The following FGD6 variants were observed in gnomAD, a reference collection of about 807,000 sequenced individuals.
The protein encoded by FGD6 is FYVE, RhoGEF and PH domain-containing protein 6.
FGD6 carries 90 observed loss-of-function variants against 149.4 expected under a neutral mutation model. The observed-to-expected ratio is 0.60, with a 90% CI of 0.51 to 0.72. The LOEUF (loss-of-function observed/expected upper bound fraction) is 0.72, where lower values mean the gene tolerates loss of function less well. FGD6 is among the 30% of genes least tolerant of loss of function. FGD6 has a pLI of 0.00. For missense variants in FGD6, 1,437 were observed against 1,684.8 expected (o/e 0.85, Z 2.57); for synonymous variants, 527 against 584.0 (o/e 0.90, Z 1.41).
intron 14 of FGD6, among the ~76,000 whole-genome samples, chr12:95,099,949 A>G (rs1361997788): frequency 6.6e-6 from 1 of 151,872 alleles, no homozygotes; most frequent in African/African-American, 2.4e-5. Context: ...TTTCTTTAAC[A>G]TACTATACCC....
At chr12:95,102,440 T>G (rs1878471308) in intron 14 of FGD6, among the ~76,000 whole-genome samples, 1 of 38,802 alleles carries the variant, frequency 2.6e-5, no homozygotes, top group Admixed American at 4.1e-4. Flanking sequence ...CGAGACCCTT[T>G]CTCAAAAAAA....
rs1253139984 is a variant in FGD6, at chr12:95,079,614, T to C, written c.*1906A>G. ...CAACGATTCTAACATGGAAGCCTTA[T>C]TTATGTGATCTTGATTATATAAAAT... On this transcript the variant is annotated 3_prime_UTR_variant, in exon 21 of 21. Coordinates refer to ENST00000343958, the MANE Select transcript of FGD6 (RefSeq NM_018351.4). The C allele has an allele frequency of 6.6e-6, 1 of 152,234 alleles. No homozygotes were observed. The highest frequency in any genetic ancestry group is 1.5e-5 in the Non-Finnish European group (1 of 68,034). The allele number at this position is 152,234 out of a possible 1,614,324, so 9.4% of individuals were successfully genotyped here.
intron 3 of FGD6, among the ~76,000 whole-genome samples, chr12:95,165,155 T>C (rs945284874): frequency 2.0e-5 from 3 of 152,078 alleles, no homozygotes; most frequent in Non-Finnish European, 4.4e-5. Context: ...CACCTCAACA[T>C]GTTTCATTGA....
intron 1 of FGD6, among the ~76,000 whole-genome samples, chr12:95,211,575 T>C (rs2056728009): frequency 6.7e-6 from 1 of 148,680 alleles, no homozygotes; most frequent in Non-Finnish European, 1.5e-5. Context: ...AGTCTTGCCC[T>C]GTCGCCCAGG....
At position 95,172,626 on chromosome 12, in the gene FGD6, C is replaced by A; in HGVS notation, c.2560G>T (p.Glu854Ter). ...TGTTTATCTTCCAGTGGGTCAGGCT[C>A]TCCTTTACTTGACTCAGAGCTGACA... The part of the protein sequence containing the change: ...DDVSSESSKG[E>*]PDPLEDKQDE... Residue 854 changes from glutamate to a stop codon, truncating the protein, a stop_gained, in exon 3 of 21, where the codon GAG becomes TAG. Coordinates refer to ENST00000343958, the MANE Select transcript of FGD6 (RefSeq NM_018351.4). LOFTEE classifies it high-confidence loss of function. 6.2e-7 allele frequency: 1 copy of A among 1,611,422 alleles called. No homozygotes were observed. The highest frequency in any genetic ancestry group is 8.5e-7 in the Non-Finnish European group (1 of 1,178,444).
intron 2 of FGD6, among the ~76,000 whole-genome samples, chr12:95,204,314 AC>A (rs2056681526): frequency 6.6e-6 from 1 of 152,054 alleles, no homozygotes; most frequent in Non-Finnish European, 1.5e-5. Flanking sequence ...GCCACTCCTT[AC>A]ACCCTCATCC....
chr12:95,140,055 G>A (rs1879799767), intron 6 of FGD6, among the ~76,000 whole-genome samples: 3 of 152,134 alleles, frequency 2.0e-5, no homozygotes, highest in Non-Finnish European at 4.4e-5. Context: ...CCAACATATA[G>A]AGGCAAGATA....
chr12:95,191,780 C>T (rs1414757583), intron 2 of FGD6, among the ~76,000 whole-genome samples: 1 of 152,128 alleles, frequency 6.6e-6, no homozygotes, highest in Non-Finnish European at 1.5e-5. Flanking sequence ...TCTTGTTGCC[C>T]AGGCTGGAGT....
intron 3 of FGD6, among the ~76,000 whole-genome samples, chr12:95,155,079 T>G (rs1419093374): frequency 2.0e-5 from 3 of 152,150 alleles, no homozygotes; most frequent in Non-Finnish European, 1.5e-5. Flanking sequence ...AAATTACATT[T>G]TAATAAATTA....
chr12:95,113,642 G>A lies in FGD6; in HGVS notation c.3133+9C>T, dbSNP rs2136244556. On this transcript the variant is annotated intron_variant, in intron 9 of 20. Transcript: ENST00000343958. Reference sequence around the variant, plus strand: ...TATAAAAACTTCTGCAACCACAGAAGTTATTTACCTTGAGTGTCTCTGTAA... The same window carrying A: ...TATAAAAACTTCTGCAACCACAGAAATTATTTACCTTGAGTGTCTCTGTAA... 6.3e-7 allele frequency: 1 copy of A among 1,585,258 alleles called. No individual in the cohort carries two copies. The highest frequency in any genetic ancestry group is 8.6e-7 in the Non-Finnish European group (1 of 1,166,562).
At chr12:95,132,178 ATTCTCAC>A (rs1374490143) in intron 8 of FGD6, among the ~76,000 whole-genome samples, 1 of 152,130 alleles carries the variant, frequency 6.6e-6, no homozygotes, top group East Asian at 1.9e-4. Flanking sequence ...AAGAGACGGA[ATTCTCAC>A]TGTCACCCGG....
chr12:95,098,711 C>A (rs1330685154), intron 14 of FGD6, among the ~76,000 whole-genome samples: 1 of 152,148 alleles, frequency 6.6e-6, no homozygotes, highest in Middle Eastern at 3.2e-3. Flanking sequence ...CCTCTCTCCC[C>A]CATTGCAGTT....
intron 6 of FGD6, among the ~76,000 whole-genome samples, chr12:95,140,051 T>C (rs1412702409): frequency 1.3e-5 from 2 of 152,212 alleles, no homozygotes; most frequent in East Asian, 3.8e-4. Flanking sequence ...TTACCCAACA[T>C]ATAGAGGCAA....
chr12:95,182,003 T>C (rs1434023254), intron 2 of FGD6, among the ~76,000 whole-genome samples: 2 of 151,316 alleles, frequency 1.3e-5, no homozygotes, highest in East Asian at 3.9e-4. Context: ...CCAAAGATGA[T>C]GTTTCTCTTA....
At chr12:95,151,827 C>CATCT (rs1880317005) in intron 5 of FGD6, among the ~76,000 whole-genome samples, 1 of 151,916 alleles carries the variant, frequency 6.6e-6, no homozygotes, top group Admixed American at 6.6e-5. Flanking sequence ...TTTTCATTTT[C>CATCT]ATCTACCTTT....
intron 3 of FGD6, among the ~76,000 whole-genome samples, chr12:95,155,187 G>C (rs1469376577): frequency 6.6e-6 from 1 of 152,152 alleles, no homozygotes; most frequent in Non-Finnish European, 1.5e-5. Context: ...TAAATGAGGA[G>C]AGGATTCCTC....
At chr12:95,189,503 C>G (rs1406688089) in intron 2 of FGD6, 1 of 152,022 alleles carries the variant, frequency 6.6e-6, no homozygotes, top group Admixed American at 6.6e-5. Flanking sequence ...CAAAAATTAG[C>G]TGGGTGTGGT....
In FGD6 at chr12:95,210,242, A is replaced by G. The variant is rs2056718011; in HGVS notation, c.1042T>C (p.Ser348Pro). The G allele has an allele frequency of 1.9e-6, 3 of 1,614,056 alleles. No homozygotes were observed. The highest frequency in any genetic ancestry group is 1.3e-5 in the African/African-American group (1 of 74,932). The change falls in exon 2 of 21, where the codon TCT (serine) becomes CCT (proline). Residue 348 changes from serine (S) to proline (P), a missense_variant. By Grantham distance (74) the Ser-to-Pro change is moderately conservative (BLOSUM62 -1). This residue lies in a region of FGD6 where 1,055 missense variants were observed against 1,146.0 expected (regional missense o/e 0.92). Coordinates refer to ENST00000343958, the MANE Select transcript of FGD6 (RefSeq NM_018351.4). The stretch of plus-strand genomic sequence containing the variant: ...AAACTATTTTCAGTAAGACAGGAAG[A>G]GCTACTGTCTGAATTCCCCGGTTCT... ...TEEPGNSDSS[S>P]SCLTENSLKI...
chr12:95,169,469 A>C (rs569937129), intron 3 of FGD6, among the ~76,000 whole-genome samples: 1 of 152,338 alleles, frequency 6.6e-6, no homozygotes, highest in East Asian at 1.9e-4. Context: ...ATATAAATAC[A>C]GGAAGGGAAA....
Sources: gnomAD v4.1 joint callset for allele counts (sites outside exome capture counted in the v4.1 genomes callset) on GRCh38, gnomAD v4.1.1 for gene constraint, gnomAD v4.1.1 regional missense constraint, MANE v1.5 for transcripts, NCBI Gene and HGNC (gene_info 2026-07-23, HGNC 2026-07-21) for gene names.